The following CDH13 variants were observed in gnomAD, a reference collection of about 807,000 sequenced individuals.
CDH13 encodes the protein cadherin 13, also known as cadherin-13.
A neutral mutation model predicts 63.8 loss-of-function variants in CDH13; 24 were observed. The observed-to-expected ratio is 0.38, with a 90% CI of 0.27 to 0.53. CDH13 has a LOEUF of 0.53. CDH13 is among the 20% of genes least tolerant of loss of function. The pLI, the probability that CDH13 is intolerant of heterozygous loss-of-function variation, is 0.85. For synonymous variants in CDH13, 503 were observed against 355.3 expected (o/e 1.42, Z -4.67); for missense variants, 1,049 against 903.1 (o/e 1.16, Z -2.07).
intron 7 of CDH13, among the ~76,000 whole-genome samples, chr16:83,596,023 A>G (rs1907220548): frequency 6.6e-6 from 1 of 152,214 alleles, no homozygotes. Flanking sequence ...AATTCAGCTC[A>G]AAAGCTGTTT....
chr16:82,987,422 G>A (rs186065145), intron 2 of CDH13, among the ~76,000 whole-genome samples: 20 of 152,196 alleles, frequency 1.3e-4, no homozygotes, highest in Non-Finnish European at 2.8e-4. Context: ...TGTCTCCCAG[G>A]CTGGAATACA....
intron 3 of CDH13, among the ~76,000 whole-genome samples, chr16:83,044,781 G>C (rs372478189): frequency 6.6e-6 from 1 of 152,090 alleles, no homozygotes; most frequent in African/African-American, 2.4e-5. Context: ...CAGCCAGTGC[G>C]GCCATCCACA....
At chr16:83,297,638 TC>T (rs2089633727) in intron 5 of CDH13, among the ~76,000 whole-genome samples, 1 of 151,940 alleles carries the variant, frequency 6.6e-6, no homozygotes, top group Admixed American at 6.6e-5. Flanking sequence ...TTGGAAAGAG[TC>T]CTTGATATAT....
intron 5 of CDH13, among the ~76,000 whole-genome samples, chr16:83,311,933 G>A (rs1457019815): frequency 6.6e-6 from 1 of 151,944 alleles, no homozygotes; most frequent in East Asian, 1.9e-4. Flanking sequence ...AATTAGCCAG[G>A]CGTGGTGGTG....
intron 8 of CDH13, among the ~76,000 whole-genome samples, chr16:83,614,186 C>T (rs1412256624): frequency 6.6e-6 from 1 of 152,170 alleles, no homozygotes; most frequent in African/African-American, 2.4e-5. Flanking sequence ...TTCCCTTTTG[C>T]TTTCTGTAAA....
intron 1 of CDH13, among the ~76,000 whole-genome samples, chr16:82,854,225 C>G (rs1208898856): frequency 6.6e-6 from 1 of 151,998 alleles, no homozygotes; most frequent in African/African-American, 2.4e-5. Context: ...TGTTGAAACT[C>G]TGTATCTACT....
In CDH13 at chr16:83,659,784, C is replaced by A. The variant is rs1434138635; in HGVS notation, c.1102-11006C>A. ...CATGAGTTAGAGCAGCAGTCCACAA[C>A]CTTTTTTTTTTTTTTTTTTTGAGAT... On this transcript the variant is annotated intron_variant, in intron 8 of 13. Transcript: ENST00000567109. Among the ~76,000 whole-genome samples, 5 of 134,200 alleles carry A rather than the reference C, an allele frequency of 3.7e-5. No individual in the cohort carries two copies. In the East Asian group the frequency reaches 9.9e-4, roughly 27 times the overall value. The allele number at this position is 134,200 out of a possible 152,430, so 88.0% of individuals were successfully genotyped here.
At chr16:82,812,118 C>T (rs1185290305) in intron 1 of CDH13, among the ~76,000 whole-genome samples, 1 of 152,116 alleles carries the variant, frequency 6.6e-6, no homozygotes, top group Non-Finnish European at 1.5e-5. Flanking sequence ...CTTCCCCTAG[C>T]ACCTCTTCTT....
chr16:83,329,262 G>C (rs188049347), intron 5 of CDH13, among the ~76,000 whole-genome samples: 2 of 152,310 alleles, frequency 1.3e-5, no homozygotes, highest in African/African-American at 4.8e-5. Context: ...GTCCGGCTCT[G>C]TTGCCCAGGC....
At chr16:82,740,470 T>C (rs1242459102) in intron 1 of CDH13, among the ~76,000 whole-genome samples, 24 of 152,216 alleles carry the variant, frequency 1.6e-4, no homozygotes, top group Non-Finnish European at 7.3e-5. Context: ...GGGTGGAATA[T>C]GCCAGTGTAT....
chr16:82,978,061 C>T lies in CDH13; in HGVS notation c.158-53949C>T, dbSNP rs536409065. Among the ~76,000 whole-genome samples the T allele has an allele frequency of 1.7e-3, 261 of 152,146 alleles. 1 individual carries two copies. Among genetic ancestry groups the T allele is most frequent in the Non-Finnish European group, 8.7e-4 (59 of 68,014 alleles). On this transcript the variant is annotated intron_variant, in intron 2 of 13. Transcript: ENST00000567109. ...TAGCACAGGGACTGGTGGCATTTTC[C>T]CCTGCCCTAGAGATCTCTGGCACTT...
intron 1 of CDH13, among the ~76,000 whole-genome samples, chr16:82,706,697 G>T (rs1234187023): frequency 6.6e-6 from 1 of 151,680 alleles, no homozygotes; most frequent in African/African-American, 2.4e-5. Flanking sequence ...CCAGCTACTT[G>T]GAAGGCTAAG....
At chr16:82,915,893 C>T (rs969871577) in intron 2 of CDH13, among the ~76,000 whole-genome samples, 3 of 150,384 alleles carry the variant, frequency 2.0e-5, no homozygotes, top group Non-Finnish European at 4.4e-5. Context: ...CCTCTGGAAT[C>T]CTGGCTAACT....
At chr16:82,647,419 G>T (rs1290351973) in intron 1 of CDH13, among the ~76,000 whole-genome samples, 1 of 152,154 alleles carries the variant, frequency 6.6e-6, no homozygotes, top group Non-Finnish European at 1.5e-5. Context: ...TCTCTTGGGA[G>T]GTGGTCCAAG....
chr16:83,554,170 A>T (rs1262268765), intron 7 of CDH13, among the ~76,000 whole-genome samples: 1 of 152,188 alleles, frequency 6.6e-6, no homozygotes, highest in Non-Finnish European at 1.5e-5. Flanking sequence ...ATAGAAATAG[A>T]AGGTAAAATC....
intron 7 of CDH13, among the ~76,000 whole-genome samples, chr16:83,513,003 G>C (rs190211435): frequency 7.0e-6 from 1 of 142,634 alleles, no homozygotes; most frequent in Non-Finnish European, 1.5e-5. Flanking sequence ...GAAGTATTTC[G>C]CAGATTGGGA....
chr16:83,136,650 G>A (rs1186285978), intron 4 of CDH13, among the ~76,000 whole-genome samples: 5 of 152,110 alleles, frequency 3.3e-5, no homozygotes, highest in Admixed American at 6.5e-5. Context: ...CTTCTCTGCC[G>A]GACAGCTTCA....
At chr16:83,157,738 TAAA>T (rs58336254) in intron 4 of CDH13, among the ~76,000 whole-genome samples, 1,110 of 99,518 alleles carry the variant, frequency 0.011, 22 homozygotes, top group African/African-American at 0.033. Context: ...ACTAGAAATA[TAAA>T]AAAAAAAAAA....
At chr16:83,140,008 A>G (rs771399311) in intron 4 of CDH13, among the ~76,000 whole-genome samples, 29 of 152,286 alleles carry the variant, frequency 1.9e-4, no homozygotes, top group Non-Finnish European at 3.8e-4. Flanking sequence ...ATCTATAAAT[A>G]AATAAATATC....
Sources: allele counts gnomAD v4.1 joint callset (sites outside exome capture counted in the v4.1 genomes callset), GRCh38; gene constraint gnomAD v4.1.1; transcripts MANE v1.5; gene names NCBI Gene and HGNC (gene_info 2026-07-23, HGNC 2026-07-21).